Variants in NUBPL observed in about 807,000 individuals in gnomAD.
NUBPL encodes the protein NUBP iron-sulfur cluster assembly factor, mitochondrial, also known as iron-sulfur cluster transfer protein NUBPL.
Under a neutral mutation model 45.7 loss-of-function variants are expected in NUBPL, and 31 were observed. That is an observed-to-expected ratio of 0.68 (90% CI 0.51 to 0.92). The LOEUF (loss-of-function observed/expected upper bound fraction) is 0.92. Among genes scored for constraint, NUBPL ranks in the 40% least tolerant of loss-of-function variants. The pLI is 0.00. For missense variants in NUBPL, 401 were observed against 398.7 expected, an observed-to-expected ratio of 1.01 and a Z score of -0.05; for synonymous variants, 144 against 140.9, an observed-to-expected ratio of 1.02 and a Z score of -0.15.
intron 6 of NUBPL, among the ~76,000 whole-genome samples, chr14:31,753,490 A>G (rs1024131036): frequency 6.6e-6 from 1 of 152,064 alleles, no homozygotes; most frequent in Non-Finnish European, 1.5e-5. Context: ...TGGCTGTCCC[A>G]TGGGTCTAGC....
intron 6 of NUBPL, among the ~76,000 whole-genome samples, chr14:31,685,566 G>C (rs1385235854): frequency 6.6e-6 from 1 of 152,022 alleles, no homozygotes; most frequent in Non-Finnish European, 1.5e-5. Context: ...ATTCAGTGAA[G>C]AGGCAGTGAA....
chr14:31,777,213 T>C (rs2039112416), intron 6 of NUBPL, among the ~76,000 whole-genome samples: 1 of 152,222 alleles, frequency 6.6e-6, no homozygotes, highest in South Asian at 2.1e-4. Context: ...CTCAGTCAGC[T>C]ACTCAGGATC....
chr14:31,561,855 G>A, intron 1 of NUBPL: 4 of 609,058 alleles, frequency 6.6e-6, no homozygotes, highest in Non-Finnish European at 1.1e-5. Context: ...ATTTTTAAAC[G>A]TTCAGCGTAT....
intron 6 of NUBPL, among the ~76,000 whole-genome samples, chr14:31,700,765 C>T (rs2037315915): frequency 6.6e-6 from 1 of 152,156 alleles, no homozygotes; most frequent in Non-Finnish European, 1.5e-5. Flanking sequence ...TCTTGCCGGG[C>T]CTCAGCCGCC....
rs147444468 is a variant in NUBPL, at chr14:31,644,994, T to C, written c.383-28361T>C. Among the ~76,000 whole-genome samples, 12 of 152,302 alleles carry C rather than the reference T, an allele frequency of 7.9e-5. No individual in the cohort carries two copies. The East Asian group carries it at 2.3e-3, about 29-fold the overall frequency. ...GCTCTTTTTAAAGTTTCCGATTGCA[T>C]GGAATATCTTCTCCAATCTCCTTAC... On this transcript the variant is annotated intron_variant, in intron 4 of 10. Coordinates refer to ENST00000281081, the MANE Select transcript of NUBPL (RefSeq NM_025152.3).
intron 8 of NUBPL, among the ~76,000 whole-genome samples, chr14:31,830,933 C>T (rs1346214802): frequency 1.3e-5 from 2 of 152,186 alleles, no homozygotes; most frequent in Non-Finnish European, 2.9e-5. Flanking sequence ...TTTTTTCCTA[C>T]TGGAGAACAT....
chr14:31,829,673 T>A (rs934236323), intron 8 of NUBPL, among the ~76,000 whole-genome samples: 1 of 152,196 alleles, frequency 6.6e-6, no homozygotes, highest in Non-Finnish European at 1.5e-5. Context: ...TTTTCCCCCA[T>A]TTGACGTGCA....
At chr14:31,799,365 G>A (rs116299230) in intron 7 of NUBPL, among the ~76,000 whole-genome samples, 68 of 152,114 alleles carry the variant, frequency 4.5e-4, no homozygotes, top group African/African-American at 1.6e-3. Flanking sequence ...CACAAGTAAG[G>A]GTAGATAATC....
At chr14:31,652,770 C>G (rs185311204) in intron 4 of NUBPL, among the ~76,000 whole-genome samples, 43 of 152,196 alleles carry the variant, frequency 2.8e-4, no homozygotes, top group African/African-American at 8.9e-4. Context: ...AAGGCCAAAT[C>G]CTATAATTTC....
intron 3 of NUBPL, among the ~76,000 whole-genome samples, chr14:31,594,057 C>A (rs2139536846): frequency 6.6e-6 from 1 of 152,234 alleles, no homozygotes; most frequent in Non-Finnish European, 1.5e-5. Context: ...TCTTTTATCA[C>A]TAAAAATTAG....
Position 31,725,435 on chromosome 14 carries a change from AT to A in NUBPL, c.513+51869del, listed in dbSNP as rs1044670334. ...GTACCAGAAGTGTTTTGGATATCAG[AT>A]TTTTTTTGGATTTTGGAATACTTTC... On this transcript the variant is annotated intron_variant, in intron 6 of 10. Coordinates refer to ENST00000281081, the MANE Select transcript of NUBPL (RefSeq NM_025152.3). 2.6e-5 allele frequency among the ~76,000 whole-genome samples: 4 copies of A among 152,110 alleles called. No individual in the cohort carries two copies. In the East Asian group the frequency reaches 5.8e-4, roughly 22 times the overall value.
chr14:31,837,322 C>A (rs755650508), intron 8 of NUBPL, among the ~76,000 whole-genome samples: 24 of 152,050 alleles, frequency 1.6e-4, no homozygotes, highest in African/African-American at 5.3e-4. Flanking sequence ...CAGAGTGAGA[C>A]CCTGTTTCAA....
chr14:31,810,238 T>A (rs1368051670), intron 7 of NUBPL, among the ~76,000 whole-genome samples: 1 of 152,162 alleles, frequency 6.6e-6, no homozygotes, highest in Non-Finnish European at 1.5e-5. Context: ...CCCATTATTA[T>A]TGTGTGGGAG....
At chr14:31,663,999 A>G in intron 4 of NUBPL, among the ~76,000 whole-genome samples, 1 of 152,176 alleles carries the variant, frequency 6.6e-6, no homozygotes, top group Non-Finnish European at 1.5e-5. Flanking sequence ...CTTTATAGCA[A>G]TTATGAATGG....
intron 9 of NUBPL, 130 bp from the exon 10 acceptor site, chr14:31,849,987 TAG>T: frequency 1.4e-6 from 1 of 706,576 alleles, no homozygotes; most frequent in Non-Finnish European, 2.5e-6. Context: ...TTCAAAGATT[TAG>T]CAATTAGAAG....
chr14:31,818,406 A>G (rs2039960712), intron 7 of NUBPL, among the ~76,000 whole-genome samples: 1 of 152,220 alleles, frequency 6.6e-6, no homozygotes, highest in African/African-American at 2.4e-5. Flanking sequence ...TTAGCCTTCC[A>G]AAGTTCACAT....
chr14:31,648,326 A>G (rs189337905), intron 4 of NUBPL, among the ~76,000 whole-genome samples: 1 of 152,336 alleles, frequency 6.6e-6, no homozygotes, highest in East Asian at 1.9e-4. Flanking sequence ...GGACTGGAAA[A>G]ATCCTAGTAC....
intron 8 of NUBPL, among the ~76,000 whole-genome samples, chr14:31,834,398 C>G (rs373694375): frequency 3.3e-5 from 5 of 152,028 alleles, no homozygotes; most frequent in African/African-American, 1.2e-4. Context: ...CCAGGATGGT[C>G]TCGATCTCCT....
intron 7 of NUBPL, among the ~76,000 whole-genome samples, chr14:31,808,826 AG>A (rs2039742428): frequency 6.6e-6 from 1 of 152,190 alleles, no homozygotes; most frequent in African/African-American, 2.4e-5. Context: ...TTTAGCATGA[AG>A]GGCTGTTGAA....
Sources: gnomAD v4.1 joint callset for allele counts (sites outside exome capture counted in the v4.1 genomes callset) on GRCh38, gnomAD v4.1.1 for gene constraint, MANE v1.5 for transcripts, NCBI Gene and HGNC (gene_info 2026-07-23, HGNC 2026-07-21) for gene names.